The following CLSTN1 variants were observed in gnomAD, a reference collection of about 807,000 sequenced individuals.
CLSTN1 encodes calsyntenin 1.
Under a neutral mutation model 108.3 loss-of-function variants are expected in CLSTN1, and 28 were observed. That is an observed-to-expected ratio of 0.26 (90% CI 0.19 to 0.35). CLSTN1 has a LOEUF of 0.35. Ranked by LOEUF, CLSTN1 falls within the 10% of genes least tolerant of loss-of-function variation. The pLI is 1.00. For synonymous variants in CLSTN1, 524 were observed against 534.9 expected (o/e 0.98, Z 0.28); for missense variants, 1,157 against 1,302.6 (o/e 0.89, Z 1.72).
At chr1:9,758,886 C>G (rs1255873804) in intron 2 of CLSTN1, among the ~76,000 whole-genome samples, 1 of 152,172 alleles carries the variant, frequency 6.6e-6, no homozygotes, top group South Asian at 2.1e-4. Flanking sequence ...CTGCTTGCTG[C>G]TGCACGTCTA....
Position 9,730,848 on chromosome 1 carries a change from G to A in CLSTN1, c.2749-143C>T, listed in dbSNP as rs78051360. The A allele has an allele frequency of 8.1e-5, 64 of 788,606 alleles. No individual in the cohort carries two copies. Among genetic ancestry groups the A allele is most frequent in the South Asian group, 1.7e-4 (10 of 59,562 alleles). 48.9% of individuals were successfully genotyped at this position (788,606 alleles called of 1,614,324 possible). ...GCGACAGAGCAGCCAGGACGGCACC[G>A]GAAGTTATATTAGAAGTGAAGGGAA... On this transcript the variant is annotated intron_variant, in intron 18 of 18. Transcript: ENST00000377298. The surrounding 1 kb of genome is among the most constrained non-coding windows in gnomAD (Gnocchi z 5.6).
intron 1 of CLSTN1, among the ~76,000 whole-genome samples, chr1:9,800,497 A>T (rs1409559876): frequency 2.7e-5 from 4 of 149,754 alleles, no homozygotes; most frequent in Non-Finnish European, 5.9e-5. Context: ...AGACAGGAGG[A>T]TCACGAGGTC....
intron 7 of CLSTN1, among the ~76,000 whole-genome samples, 172 bp from the exon 8 acceptor site, chr1:9,744,815 G>A (rs556057095): frequency 1.3e-5 from 2 of 151,984 alleles, no homozygotes; most frequent in Admixed American, 6.6e-5. Context: ...GTACAGTGGC[G>A]CGATCTCGGT....
chr1:9,735,901 C>A lies in CLSTN1; in HGVS notation c.1718G>T (p.Ser573Ile). Reference sequence around the variant, plus strand: ...CGGTGTTACCTGCACGCCTCTGCCACTGTCTTCGAGGACCTGCAGGTCCAG... The same window carrying A: ...CGGTGTTACCTGCACGCCTCTGCCAATGTCTTCGAGGACCTGCAGGTCCAG... ...EGLDLQVLED[S>I]GRGVQIQAHP... The change falls in exon 12 of 19, where the codon AGT becomes ATT. Residue 573 changes from serine to isoleucine, a missense_variant. Transcript: ENST00000377298. 1 of 1,614,136 alleles carries A rather than the reference C, an allele frequency of 6.2e-7. No individual in the cohort carries two copies. The highest frequency in any genetic ancestry group is 8.5e-7 in the Non-Finnish European group (1 of 1,180,034).
intron 1 of CLSTN1, among the ~76,000 whole-genome samples, chr1:9,784,442 A>T (rs1653390835): frequency 6.6e-6 from 1 of 152,162 alleles, no homozygotes; most frequent in African/African-American, 2.4e-5. Flanking sequence ...CAAGAGTTAC[A>T]GGCTGCCGTG....
chr1:9,733,918 C>CA (rs1381468961), intron 15 of CLSTN1, 54 bp downstream of exon 15: 2 of 1,548,126 alleles, frequency 1.3e-6, no homozygotes, highest in East Asian at 4.5e-5. Flanking sequence ...CAAGAGCTCT[C>CA]AAAGTCCCCT....
At chr1:9,816,163 ATAT>A (rs1183522364) in intron 1 of CLSTN1, among the ~76,000 whole-genome samples, 1 of 152,220 alleles carries the variant, frequency 6.6e-6, no homozygotes. Flanking sequence ...CTACAAGGAT[ATAT>A]TATTTACCTA....
intron 10 of CLSTN1, among the ~76,000 whole-genome samples, chr1:9,739,312 C>T (rs759956632): frequency 1.1e-4 from 16 of 152,228 alleles, no homozygotes; most frequent in Non-Finnish European, 1.9e-4. Flanking sequence ...ACAGCCCTCA[C>T]AACTTGGAAC....
intron 1 of CLSTN1, among the ~76,000 whole-genome samples, chr1:9,790,508 C>G (rs1258688798): frequency 6.6e-6 from 1 of 151,334 alleles, no homozygotes; most frequent in African/African-American, 2.4e-5. Context: ...ATTCTTCTTG[C>G]ACATTGTTTG....
intron 10 of CLSTN1, among the ~76,000 whole-genome samples, chr1:9,737,931 A>C (rs541156750): frequency 1.6e-4 from 24 of 152,272 alleles, no homozygotes; most frequent in Non-Finnish European, 2.9e-4. Flanking sequence ...CCCGATATAA[A>C]CACCACCAAG....
chr1:9,791,406 AT>A (rs1048504717), intron 1 of CLSTN1, among the ~76,000 whole-genome samples: 1 of 150,964 alleles, frequency 6.6e-6, no homozygotes, highest in Non-Finnish European at 1.5e-5. Flanking sequence ...TAGTTTTAAA[AT>A]TTTTTTGTAG....
chr1:9,736,711 C>T (rs1650709140), intron 11 of CLSTN1, among the ~76,000 whole-genome samples: 1 of 152,172 alleles, frequency 6.6e-6, no homozygotes, highest in Non-Finnish European at 1.5e-5. Context: ...GACAAATTTT[C>T]AGCAATGTGT....
chr1:9,780,276 T>C (rs556004614), intron 1 of CLSTN1, among the ~76,000 whole-genome samples: 50 of 152,194 alleles, frequency 3.3e-4, no homozygotes, highest in Non-Finnish European at 6.5e-4. Context: ...GCACTATAAA[T>C]ACTAAAACTA....
chr1:9,785,794 TC>T (rs1027580761), intron 1 of CLSTN1, among the ~76,000 whole-genome samples: 1 of 151,324 alleles, frequency 6.6e-6, no homozygotes, highest in African/African-American at 2.4e-5. Context: ...GATGTGAATT[TC>T]TTTTTTTTTT....
At chr1:9,737,590 C>T in intron 10 of CLSTN1, 36 bp from the exon 11 acceptor site, 1 of 1,597,636 alleles carries the variant, frequency 6.3e-7, no homozygotes. Flanking sequence ...TAGAAAAGGA[C>T]TGAGAGGTTA....
At chr1:9,792,192 A>AAACAAC (rs539933669) in intron 1 of CLSTN1, among the ~76,000 whole-genome samples, 2 of 150,882 alleles carry the variant, frequency 1.3e-5, no homozygotes, top group African/African-American at 4.8e-5. Flanking sequence ...TCAAGGGGAA[A>AAACAAC]AACAACAACA....
intron 7 of CLSTN1, among the ~76,000 whole-genome samples, chr1:9,748,405 T>C (rs1476115478): frequency 6.6e-6 from 1 of 152,258 alleles, no homozygotes; most frequent in Non-Finnish European, 1.5e-5. Context: ...AGAAAATCTA[T>C]TGAGATTCTA....
intron 1 of CLSTN1, chr1:9,780,854 G>T: frequency 3.9e-6 from 1 of 256,268 alleles, no homozygotes; most frequent in South Asian, 8.8e-5. Context: ...CAGCCATGGC[G>T]AGTAGCCGTG....
intron 1 of CLSTN1, among the ~76,000 whole-genome samples, chr1:9,790,475 A>C (rs1389511879): frequency 6.6e-6 from 1 of 151,336 alleles, no homozygotes; most frequent in Non-Finnish European, 1.5e-5. Context: ...TGTGGACTAG[A>C]TCCTATACGG....
Sources: allele counts gnomAD v4.1 joint callset (sites outside exome capture counted in the v4.1 genomes callset), GRCh38; gene constraint gnomAD v4.1.1; non-coding constraint Gnocchi (gnomAD v3.1); transcripts MANE v1.5; gene names NCBI Gene and HGNC (gene_info 2026-07-23, HGNC 2026-07-21).